NCKAP5: variants seen among roughly 807,000 people sequenced by gnomAD.
NCKAP5 encodes the protein nck-associated protein 5.
NCKAP5 carries 92 observed loss-of-function variants against 167.0 expected under a neutral mutation model. The observed-to-expected ratio is 0.55, with a 90% CI of 0.47 to 0.66. The LOEUF is 0.66. Among genes scored for constraint, NCKAP5 ranks in the 30% least tolerant of loss-of-function variants. NCKAP5 has a pLI of 0.00. For synonymous variants in NCKAP5, 891 were observed against 877.4 expected (o/e 1.02, Z -0.27); for missense variants, 2,378 against 2,315.0 (o/e 1.03, Z -0.56).
At chr2:133,105,002 C>T (rs998870396) in intron 6 of NCKAP5, among the ~76,000 whole-genome samples, 15 of 152,194 alleles carry the variant, frequency 9.9e-5, no homozygotes, top group Admixed American at 6.5e-5. Flanking sequence ...CACTCTCTCC[C>T]GCTAATAAGT....
At chr2:132,815,842 C>A (rs1213069974) in intron 11 of NCKAP5, among the ~76,000 whole-genome samples, 1 of 152,164 alleles carries the variant, frequency 6.6e-6, no homozygotes, top group Non-Finnish European at 1.5e-5. Context: ...GACCAAAATT[C>A]TCCATTACAG....
At chr2:132,688,433 T>G (rs1031296770) in intron 19 of NCKAP5, among the ~76,000 whole-genome samples, 1 of 152,200 alleles carries the variant, frequency 6.6e-6, no homozygotes, top group Non-Finnish European at 1.5e-5. Context: ...GATTTTATTT[T>G]CAGGTAATAA....
intron 5 of NCKAP5, among the ~76,000 whole-genome samples, chr2:133,206,267 C>T (rs1032019412): frequency 6.6e-6 from 1 of 152,030 alleles, no homozygotes; most frequent in African/African-American, 2.4e-5. Flanking sequence ...ATATTTTATA[C>T]TATGTGTGTT....
Position 133,517,539 on chromosome 2 carries a change from T to C in NCKAP5, c.-13A>G. 6.6e-7 allele frequency: 1 copy of C among 1,505,314 alleles called. No homozygotes were observed. The highest frequency in any genetic ancestry group is 8.9e-7 in the Non-Finnish European group (1 of 1,121,186). 93.2% of individuals were successfully genotyped at this position (1,505,314 alleles called of 1,614,324 possible). ...TCTTTCCCTCCATGGATGAAGTTAT[T>C]TATTTTCTTTTGTGACTTATAAGAA... On this transcript the variant is annotated 5_prime_UTR_variant, in exon 3 of 20. Coordinates refer to ENST00000409261, the MANE Select transcript of NCKAP5 (RefSeq NM_207363.3).
chr2:133,556,791 C>T (rs775092662), intron 2 of NCKAP5: 2 of 152,128 alleles, frequency 1.3e-5, no homozygotes, highest in Non-Finnish European at 2.9e-5. Flanking sequence ...TTATGACAGA[C>T]GTTTGGGTAT....
At chr2:133,494,007 A>C (rs190223376) in intron 3 of NCKAP5, among the ~76,000 whole-genome samples, 2 of 152,068 alleles carry the variant, frequency 1.3e-5, no homozygotes, top group African/African-American at 4.8e-5. Context: ...TGACATCAGG[A>C]AAGTTTGGGT....
rs913435966 is a variant in NCKAP5 at position 132,875,930 on chromosome 2, G to A, written c.648+2918C>T. ...ATGTGCATGCCTAGCAAGCCAGGGT[G>A]TATGTGTGTGTGTGTATCTAGGAAT... is the stretch of plus-strand genomic sequence containing the variant. On this transcript the variant is annotated intron_variant, in intron 9 of 19. Transcript: ENST00000409261. 5.9e-5 allele frequency among the ~76,000 whole-genome samples: 9 copies of A among 152,176 alleles called. 1 individual carries two copies. Among genetic ancestry groups the A allele is most frequent in the Admixed American group, 5.9e-4 (9 of 15,286 alleles).
At chr2:133,084,356 A>G (rs557699577) in intron 6 of NCKAP5, among the ~76,000 whole-genome samples, 1 of 152,176 alleles carries the variant, frequency 6.6e-6, no homozygotes, top group African/African-American at 2.4e-5. Flanking sequence ...GAGCAAATAT[A>G]TACATGCAAG....
At chr2:132,676,889 T>C (rs1684565296) in intron 19 of NCKAP5, among the ~76,000 whole-genome samples, 1 of 152,202 alleles carries the variant, frequency 6.6e-6, no homozygotes, top group Admixed American at 6.6e-5. Context: ...CTTGTTTAAA[T>C]TCCTGTAGCA....
rs1574974354 is a variant in NCKAP5, at chr2:133,449,075, C to T, written c.69+68383G>A. ...GCACTTCCAAGCTTTTTGTATATTC[C>T]CCCATAATGGCACTTATCATATTGT... On this transcript the variant is annotated intron_variant, in intron 3 of 19. Coordinates refer to ENST00000409261, the MANE Select transcript of NCKAP5 (RefSeq NM_207363.3). Among the ~76,000 whole-genome samples, 3 of 152,052 alleles carry T rather than the reference C, an allele frequency of 2.0e-5. No homozygotes were observed. In the South Asian group the frequency reaches 6.2e-4, roughly 32 times the overall value.
chr2:133,269,562 T>C (rs983299619), intron 4 of NCKAP5, among the ~76,000 whole-genome samples: 2 of 152,148 alleles, frequency 1.3e-5, no homozygotes, highest in Admixed American at 1.3e-4. Flanking sequence ...CTAGGAACAT[T>C]AATGAAACCT....
chr2:133,643,492 C>G, the NCKAP5 span, among the ~76,000 whole-genome samples: 17 of 152,202 alleles, frequency 1.1e-4, no homozygotes, highest in African/African-American at 4.1e-4. Context: ...TCCTTCTAGC[C>G]CCTTCATCTG....
the NCKAP5 span, among the ~76,000 whole-genome samples, chr2:133,630,099 C>A: frequency 6.6e-6 from 1 of 151,802 alleles, no homozygotes; most frequent in Non-Finnish European, 1.5e-5. Flanking sequence ...TTTACCTATG[C>A]AACAAACCTG....
At chr2:133,475,687 A>G (rs1411000535) in intron 3 of NCKAP5, among the ~76,000 whole-genome samples, 3 of 152,246 alleles carry the variant, frequency 2.0e-5, no homozygotes, top group African/African-American at 7.2e-5. Flanking sequence ...AATTTTAGCC[A>G]TGCTTTCCAC....
At chr2:133,265,726 G>C (rs1357032753) in intron 4 of NCKAP5, among the ~76,000 whole-genome samples, 1 of 152,152 alleles carries the variant, frequency 6.6e-6, no homozygotes, top group Non-Finnish European at 1.5e-5. Context: ...GTGGGGGAGG[G>C]GGGATCGTGG....
intron 19 of NCKAP5, among the ~76,000 whole-genome samples, chr2:132,691,725 A>G (rs1265791094): frequency 1.3e-5 from 2 of 152,138 alleles, no homozygotes; most frequent in African/African-American, 4.8e-5. Flanking sequence ...GAAACATTCC[A>G]ACAATAAGAT....
chr2:133,079,413 C>A (rs538700513), intron 6 of NCKAP5, among the ~76,000 whole-genome samples: 1 of 152,210 alleles, frequency 6.6e-6, no homozygotes, highest in Non-Finnish European at 1.5e-5. Context: ...TGGAGAAATA[C>A]TTTAATATTT....
At chr2:132,693,437 G>A (rs1686985603) in intron 19 of NCKAP5, among the ~76,000 whole-genome samples, 1 of 151,994 alleles carries the variant, frequency 6.6e-6, no homozygotes, top group Non-Finnish European at 1.5e-5. Context: ...AATGCCATGT[G>A]AAGACAGACA....
rs750016465 is a variant in NCKAP5 at position 132,790,098 on chromosome 2, A to C, written c.1017T>G (p.Ser339=). Residue 339 remains serine, a synonymous_variant, in exon 13 of 20, where the codon TCT becomes TCG. Transcript: ENST00000409261. ...RNSYSSSSEL[S]LSSTCSEYSS... is the part of the protein sequence containing the mutation. Reference sequence around the variant, plus strand: ...AGTACTCGCTGCAGGTGCTTGAAAGAGACAGTTCACTGCTGCTACTGTAGC... The same window carrying C: ...AGTACTCGCTGCAGGTGCTTGAAAGCGACAGTTCACTGCTGCTACTGTAGC... The C allele has an allele frequency of 4.3e-6, 7 of 1,613,424 alleles. No homozygotes were observed. Among genetic ancestry groups the C allele is most frequent in the Non-Finnish European group, 5.9e-6 (7 of 1,179,658 alleles).
Sources: allele counts gnomAD v4.1 joint callset (sites outside exome capture counted in the v4.1 genomes callset), GRCh38; gene constraint gnomAD v4.1.1; transcripts MANE v1.5; gene names NCBI Gene and HGNC (gene_info 2026-07-23, HGNC 2026-07-21).